POF1B: variants seen among roughly 807,000 people sequenced by gnomAD.
POF1B encodes protein POF1B.
POF1B carries 53 observed loss-of-function variants against 55.3 expected under a neutral mutation model. That is an observed-to-expected ratio of 0.96 (90% CI 0.77 to 1.20). POF1B has a LOEUF of 1.20. POF1B is among the 50% of genes most tolerant of loss of function. The pLI, the probability that POF1B is intolerant of heterozygous loss-of-function variation, is 0.00. For missense variants in POF1B, 478 were observed against 420.5 expected, an observed-to-expected ratio of 1.14 and a Z score of -1.20; for synonymous variants, 188 against 148.3, an observed-to-expected ratio of 1.27 and a Z score of -1.95.
At chrX:85,359,088 T>C (rs1951568137) in intron 4 of POF1B, among the ~76,000 whole-genome samples, 1 of 111,115 alleles carries the variant, frequency 9.0e-6, no homozygotes, top group Admixed American at 9.6e-5. Flanking sequence ...CCACAGGCAA[T>C]AAAGGCATAG....
At chrX:85,375,716 C>T (rs1292838466) in intron 2 of POF1B, among the ~76,000 whole-genome samples, 1 of 111,266 alleles carries the variant, frequency 9.0e-6, no homozygotes, top group Non-Finnish European at 1.9e-5. Context: ...AAGAGTTATC[C>T]ACAATCTTTG....
rs749989945 is a variant in POF1B, at chrX:85,361,590, C to G, written c.358-1960G>C. Among the ~76,000 whole-genome samples the G allele has an allele frequency of 2.7e-5, 3 of 111,409 alleles. No homozygotes were observed. In the East Asian group the frequency reaches 8.5e-4, roughly 31 times the overall value. Reference sequence around the variant, plus strand: ...CTATGTGTCTGTTCTTGTACCAGTACCATGCTGTTTTGGTTACTGTAGCCC... The same window carrying G: ...CTATGTGTCTGTTCTTGTACCAGTAGCATGCTGTTTTGGTTACTGTAGCCC... On this transcript the variant is annotated intron_variant, in intron 3 of 16. Coordinates refer to ENST00000262753, the MANE Select transcript of POF1B (RefSeq NM_024921.4).
intron 5 of POF1B, among the ~76,000 whole-genome samples, chrX:85,349,390 G>A (rs1022103449): frequency 9.0e-6 from 1 of 111,250 alleles, no homozygotes; most frequent in African/African-American, 3.3e-5. Context: ...TGATTTGATA[G>A]TGTTTAACTG....
At chrX:85,334,254 A>G (rs979516036) in intron 6 of POF1B, among the ~76,000 whole-genome samples, 1 of 110,540 alleles carries the variant, frequency 9.0e-6, no homozygotes, top group Non-Finnish European at 1.9e-5. Flanking sequence ...GCAGTAATGG[A>G]TAGAAGTTTT....
intron 7 of POF1B, among the ~76,000 whole-genome samples, chrX:85,320,070 A>G (rs1244095113): frequency 9.0e-6 from 1 of 111,249 alleles, no homozygotes; most frequent in Non-Finnish European, 1.9e-5. Context: ...TGTTCTGTTC[A>G]GGGATTCAGT....
intron 4 of POF1B, among the ~76,000 whole-genome samples, chrX:85,354,862 C>T (rs975737967): frequency 1.8e-5 from 2 of 111,191 alleles, no homozygotes; most frequent in Non-Finnish European, 3.8e-5. Context: ...CAATCAATAA[C>T]GTGAAAATGG....
At chrX:85,346,091 T>A in intron 5 of POF1B, 49 bp from the exon 6 acceptor site, 1 of 916,520 alleles carries the variant, frequency 1.1e-6, no homozygotes, top group Non-Finnish European at 1.4e-6. Context: ...TAAACATTAC[T>A]AATCAAGAAA....
intron 2 of POF1B, among the ~76,000 whole-genome samples, chrX:85,369,445 T>G (rs1049897738): frequency 1.2e-4 from 13 of 111,175 alleles, no homozygotes; most frequent in East Asian, 5.6e-4. Context: ...TTGACCATCT[T>G]TCCTCCATTC....
chrX:85,294,944 C>A (rs1380310475), intron 15 of POF1B, among the ~76,000 whole-genome samples: 3 of 111,354 alleles, frequency 2.7e-5, no homozygotes, highest in Admixed American at 1.9e-4. Context: ...CTTCCTGGTT[C>A]AATCTTGGAA....
chrX:85,320,625 A>T (rs1296662768), intron 7 of POF1B, among the ~76,000 whole-genome samples: 1 of 111,450 alleles, frequency 9.0e-6, no homozygotes, highest in Non-Finnish European at 1.9e-5. Context: ...GACACAAAAA[A>T]CCCTTCAAAA....
chrX:85,296,401 C>A (rs928113405), intron 15 of POF1B, among the ~76,000 whole-genome samples: 1 of 111,961 alleles, frequency 8.9e-6, no homozygotes, highest in Non-Finnish European at 1.9e-5. Context: ...CCATGTTTAT[C>A]ATTTCCGTAA....
chrX:85,370,325 T>C (rs994638420), intron 2 of POF1B, among the ~76,000 whole-genome samples: 5 of 111,951 alleles, frequency 4.5e-5, no homozygotes, highest in African/African-American at 6.5e-5. Context: ...GTCCATAGAT[T>C]ATAATGTACT....
chrX:85,360,256 C>T (rs1437294307), intron 3 of POF1B, among the ~76,000 whole-genome samples: 1 of 107,010 alleles, frequency 9.3e-6, no homozygotes, highest in African/African-American at 3.4e-5. Flanking sequence ...TGTCATCACC[C>T]ATGGACTAAG....
intron 6 of POF1B, among the ~76,000 whole-genome samples, chrX:85,335,881 T>A (rs1933063152): frequency 9.1e-6 from 1 of 110,449 alleles, no homozygotes; most frequent in Non-Finnish European, 1.9e-5. Flanking sequence ...TTAGTTATTT[T>A]TAAATGTACA....
At chrX:85,301,294 C>T (rs1932445714) in intron 15 of POF1B, among the ~76,000 whole-genome samples, 1 of 111,688 alleles carries the variant, frequency 9.0e-6, no homozygotes. Flanking sequence ...TAAAAATTAT[C>T]AACTGATTTC....
At chrX:85,297,283 G>A (rs763792466) in intron 15 of POF1B, among the ~76,000 whole-genome samples, 3 of 112,235 alleles carry the variant, frequency 2.7e-5, no homozygotes, top group South Asian at 3.7e-4. Flanking sequence ...TGAAGATAAA[G>A]GGAAACTCTG....
intron 6 of POF1B, among the ~76,000 whole-genome samples, chrX:85,338,570 T>C (rs1933115866): frequency 8.9e-6 from 1 of 112,104 alleles, no homozygotes; most frequent in African/African-American, 3.2e-5. Context: ...TATGATCTTT[T>C]CTTGTACTAC....
intron 13 of POF1B, among the ~76,000 whole-genome samples, 189 bp from the exon 14 acceptor site, chrX:85,304,660 C>CT (rs976493334): frequency 1.8e-5 from 2 of 110,604 alleles, no homozygotes; most frequent in Non-Finnish European, 1.9e-5. Context: ...CAAATTTCTC[C>CT]TTTTTTTAAG....
rs573888412 is a variant in POF1B, at chrX:85,316,794, G to T, written c.855-1060C>A. On this transcript the variant is annotated intron_variant, in intron 7 of 16. Transcript: ENST00000262753. ...ATATAGGTAAATTGCATTTTGTGGT[G>T]GTTTGGTGTACAAATGATTTCATCA... Among the ~76,000 whole-genome samples the T allele has an allele frequency of 6.0e-4, 66 of 110,273 alleles. No individual in the cohort carries two copies. The South Asian group carries it at 0.025, about 42-fold the overall frequency.
Sources: gnomAD v4.1 joint callset for allele counts (sites outside exome capture counted in the v4.1 genomes callset) on GRCh38, gnomAD v4.1.1 for gene constraint, MANE v1.5 for transcripts, NCBI Gene and HGNC (gene_info 2026-07-23, HGNC 2026-07-21) for gene names.